Variants in UMODL1 observed in about 807,000 individuals in gnomAD.
The protein encoded by UMODL1 is uromodulin-like 1.
Under a neutral mutation model 136.3 loss-of-function variants are expected in UMODL1, and 128 were observed. That is an observed-to-expected ratio of 0.94 (90% CI 0.81 to 1.09). UMODL1 has a LOEUF of 1.09. Ranked by LOEUF, UMODL1 falls within the 50% of genes least tolerant of loss-of-function variation. UMODL1 has a pLI of 0.00. For missense variants in UMODL1, 1,766 were observed against 1,725.6 expected, an observed-to-expected ratio of 1.02 and a Z score of -0.41; for synonymous variants, 721 against 720.0, an observed-to-expected ratio of 1.00 and a Z score of -0.02.
chr21:42,125,309 G>A (rs1252641787), intron 17 of UMODL1, among the ~76,000 whole-genome samples: 1 of 152,104 alleles, frequency 6.6e-6, no homozygotes, highest in African/African-American at 2.4e-5. Flanking sequence ...GTGATTCCAT[G>A]GTGTGGAGCC....
chr21:42,139,959 C>T (rs1233249340), intron 22 of UMODL1, among the ~76,000 whole-genome samples: 1 of 152,194 alleles, frequency 6.6e-6, no homozygotes, highest in Non-Finnish European at 1.5e-5. Flanking sequence ...AGTTGCCCAG[C>T]AAGGGCAGCA....
In UMODL1 at chr21:42,109,532, A is replaced by C. The variant is rs8127300; in HGVS notation, c.1520-30A>C. 353,439 of 1,605,270 alleles carry C rather than the reference A, an allele frequency of 0.22. 39,786 individuals carry two copies. The highest frequency in any genetic ancestry group is 0.31 in the Middle Eastern group (1,851 of 6,052). On this transcript the variant is annotated intron_variant, in intron 9 of 22. Transcript: ENST00000408910. ...CTGATCACTCTTTGGCTGTTTTCTC[A>C]TGGGTTTTGATTGTGTCTCCCCCTG... is the stretch of plus-strand genomic sequence containing the variant.
At chr21:42,133,200 G>A (rs987115539) in intron 21 of UMODL1, among the ~76,000 whole-genome samples, 2 of 152,220 alleles carry the variant, frequency 1.3e-5, no homozygotes, top group African/African-American at 4.8e-5. Flanking sequence ...AAACACTGTT[G>A]GAGACTGCAG....
At chr21:42,111,248 A>AGGAGCACCAGCCAGG (rs1569162735) in intron 11 of UMODL1, 127 bp downstream of exon 11, 4 of 1,519,608 alleles carry the variant, frequency 2.6e-6, no homozygotes, top group Non-Finnish European at 3.5e-6. Flanking sequence ...CCCCAGCCAG[A>AGGAGCACCAGCCAGG]GGAGCACCAG....
chr21:42,088,054 T>C lies in UMODL1; in HGVS notation c.604-240T>C, dbSNP rs143131021. On this transcript the variant is annotated intron_variant, in intron 4 of 22. Transcript: ENST00000408910. ...TACTGGAGGTTAGGACTTCAACATA[T>C]GGATTTTAGGGGACAGAATTCAGCT... is the stretch of plus-strand genomic sequence containing the variant. 1.1e-3 allele frequency among the ~76,000 whole-genome samples: 172 copies of C among 152,294 alleles called. 1 individual carries two copies. Among genetic ancestry groups the C allele is most frequent in the African/African-American group, 4.0e-3 (166 of 41,554 alleles).
intron 21 of UMODL1, among the ~76,000 whole-genome samples, chr21:42,133,363 A>T (rs1044319765): frequency 3.3e-5 from 5 of 152,232 alleles, no homozygotes; most frequent in African/African-American, 1.2e-4. Flanking sequence ...GCCTAAGCTC[A>T]CACAGCTGGT....
chr21:42,074,044 C>T (rs954825874), intron 1 of UMODL1, among the ~76,000 whole-genome samples: 1 of 152,180 alleles, frequency 6.6e-6, no homozygotes. Flanking sequence ...TGTGCACTGG[C>T]TAGGGCTGCT....
At chr21:42,071,077 T>C (rs935257817), upstream of UMODL1, among the ~76,000 whole-genome samples, 2 of 152,204 alleles carry the variant, frequency 1.3e-5, no homozygotes, top group African/African-American at 4.8e-5. Flanking sequence ...CAGAATAGGC[T>C]GTGACACGCA....
intron 21 of UMODL1, among the ~76,000 whole-genome samples, chr21:42,134,077 C>T (rs12627423): frequency 0.054 from 8,155 of 152,194 alleles, 347 homozygotes; most frequent in East Asian, 0.23. Context: ...TGGGCCACCA[C>T]GCCAAGCTAA....
chr21:42,132,275 CTA>C (rs2067143947), intron 21 of UMODL1, among the ~76,000 whole-genome samples: 1 of 151,304 alleles, frequency 6.6e-6, no homozygotes, highest in African/African-American at 2.5e-5. Context: ...ATTCATTCAT[CTA>C]TTCATCTATC....
chr21:42,077,972 T>C (rs770256660), intron 2 of UMODL1, among the ~76,000 whole-genome samples: 3 of 152,142 alleles, frequency 2.0e-5, no homozygotes, highest in Non-Finnish European at 4.4e-5. Context: ...CAGCCCCCAG[T>C]GCTATTTCAC....
chr21:42,106,068 G>A (rs1338208004), intron 9 of UMODL1, among the ~76,000 whole-genome samples: 2 of 152,160 alleles, frequency 1.3e-5, no homozygotes, highest in African/African-American at 2.4e-5. Context: ...TCCTGAGCTG[G>A]GGGGTCAGCT....
intron 22 of UMODL1, among the ~76,000 whole-genome samples, chr21:42,138,456 G>GT (rs897890487): frequency 6.6e-6 from 1 of 152,120 alleles, no homozygotes; most frequent in Non-Finnish European, 1.5e-5. Flanking sequence ...GTGGACTTTT[G>GT]TTTTTCCTGG....
chr21:42,120,758 T>C (rs2066959563), intron 15 of UMODL1: 1 of 218,204 alleles, frequency 4.6e-6, no homozygotes, highest in Non-Finnish European at 9.0e-6. Context: ...CCTGGGTCCC[T>C]TGGGCTGGAC....
rs1416669848 is a variant in UMODL1 at position 42,076,098 on chromosome 21, C to T, written c.170C>T (p.Ser57Phe). Residue 57 changes from serine to phenylalanine, a missense_variant, in exon 2 of 23, where the codon TCC (serine) becomes TTC (phenylalanine). Ser to Phe is a radical substitution (Grantham distance 155, BLOSUM62 -2). Transcript: ENST00000408910. ...GAGGCCGTGCAGACGTCCTACACGTCCTATGTGTCCTGCGGCGGCTGGATC... is the reference window on the plus strand; with the variant it reads ...GAGGCCGTGCAGACGTCCTACACGTTCTATGTGTCCTGCGGCGGCTGGATC... ...KVEAVQTSYT[S>F]YVSCGGWIPW... is the part of the protein sequence containing the mutation. 1 of 1,614,262 alleles carries T rather than the reference C, an allele frequency of 6.2e-7. No homozygotes were observed. Among genetic ancestry groups the T allele is most frequent in the African/African-American group, 1.3e-5 (1 of 75,066 alleles).
chr21:42,137,389 A>T (rs1181850853), intron 21 of UMODL1, 50 bp from the exon 22 acceptor site: 1 of 1,603,710 alleles, frequency 6.2e-7, no homozygotes, highest in South Asian at 1.1e-5. Flanking sequence ...GCTCTATCGC[A>T]TTCCTCCCGT....
chr21:42,066,848 AG>A (rs1404536784), upstream of UMODL1, among the ~76,000 whole-genome samples: 1 of 152,204 alleles, frequency 6.6e-6, no homozygotes, highest in Non-Finnish European at 1.5e-5. Context: ...CTTTCTTTGC[AG>A]TCTCTTAGCC....
At chr21:42,119,347 C>G (rs751197166) in intron 15 of UMODL1, 23 bp downstream of exon 15, 1 of 1,607,528 alleles carries the variant, frequency 6.2e-7, no homozygotes, top group African/African-American at 1.3e-5. Flanking sequence ...GGGATGGAGC[C>G]TCTCCCGTGT....
chr21:42,103,968 T>G lies in UMODL1; in HGVS notation c.1400T>G (p.Leu467Arg). ...CAGGCGGGAAGTGTGGTCGTGAGGC[T>G]CAAGCTCACCGTGCAGGACCCCGGG... ...SLQAGSVVVRLKLTVQDPGFP... is the reference protein window; with the variant it reads ...SLQAGSVVVRRKLTVQDPGFP... Residue 467 changes from leucine (L) to arginine (R), a missense_variant, in exon 9 of 23, where the codon CTC becomes CGC. Leu to Arg is a moderately radical substitution (Grantham distance 102). Coordinates refer to ENST00000408910, the MANE Select transcript of UMODL1 (RefSeq NM_001004416.3). 1 of 1,614,058 alleles carries G rather than the reference T, an allele frequency of 6.2e-7. No individual in the cohort carries two copies. Among genetic ancestry groups the G allele is most frequent in the African/African-American group, 1.3e-5 (1 of 75,000 alleles).
Sources: allele counts gnomAD v4.1 joint callset (sites outside exome capture counted in the v4.1 genomes callset), GRCh38; gene constraint gnomAD v4.1.1; transcripts MANE v1.5; gene names NCBI Gene and HGNC (gene_info 2026-07-23, HGNC 2026-07-21).